The following CBLIF variants were observed in gnomAD, a reference collection of about 807,000 sequenced individuals.
The protein encoded by CBLIF is gastric intrinsic factor (vitamin B synthesis).
In CBLIF, 24 loss-of-function variants were observed where a neutral mutation model predicts 44.9. The ratio of observed to expected loss-of-function variants is 0.53; its 90% CI spans 0.39 to 0.75. The LOEUF is 0.75. Among genes scored for constraint, CBLIF ranks in the 30% least tolerant of loss-of-function variants. The pLI is 0.00. For synonymous variants in CBLIF, 183 were observed against 190.9 expected, an observed-to-expected ratio of 0.96 and a Z score of 0.34; for missense variants, 481 against 513.0, an observed-to-expected ratio of 0.94 and a Z score of 0.60.
At position 59,835,797 on chromosome 11, in the gene CBLIF, G is replaced by T. The variant is rs1276553118; in HGVS notation, c.1073+11C>A. ...CTTGAGAGAATGATGAATGACATTTGTAATACTCACTTGAACATAGGATTT... is the reference window on the plus strand; with the variant it reads ...CTTGAGAGAATGATGAATGACATTTTTAATACTCACTTGAACATAGGATTT... On this transcript the variant is annotated intron_variant, in intron 7 of 8. Coordinates refer to ENST00000257248, the MANE Select transcript of CBLIF (RefSeq NM_005142.3). 3 of 1,585,538 alleles carry T rather than the reference G, an allele frequency of 1.9e-6. No homozygotes were observed. The highest frequency in any genetic ancestry group is 2.6e-6 in the Non-Finnish European group (3 of 1,153,864).
chr11:59,842,621 T>G (rs1220904648), intron 3 of CBLIF, 38 bp from the exon 4 acceptor site: 1 of 1,603,208 alleles, frequency 6.2e-7, no homozygotes, highest in East Asian at 2.2e-5. Flanking sequence ...AGACTCACAG[T>G]CACCACGATG....
rs1866350988 is a variant in CBLIF, at chr11:59,830,122, G to A, written c.1193-577C>T. 2.0e-5 allele frequency among the ~76,000 whole-genome samples: 3 copies of A among 152,094 alleles called. No homozygotes were observed. The South Asian group carries it at 6.2e-4, about 32-fold the overall frequency. On this transcript the variant is annotated intron_variant, in intron 8 of 8. Coordinates refer to ENST00000257248, the MANE Select transcript of CBLIF (RefSeq NM_005142.3). Reference sequence around the variant, plus strand: ...GCAACAGAAAGAATGACAGTTTCAGGCCCAAATATTTTTGTTTCTCAGAGG... The same window carrying A: ...GCAACAGAAAGAATGACAGTTTCAGACCCAAATATTTTTGTTTCTCAGAGG...
intron 7 of CBLIF, among the ~76,000 whole-genome samples, chr11:59,834,401 T>G (rs1361039196): frequency 6.9e-6 from 1 of 145,428 alleles, no homozygotes; most frequent in Non-Finnish European, 1.5e-5. Flanking sequence ...TTTTGTTTTT[T>G]TTTTTTTTGA....
chr11:59,844,635 C>G (rs772179021), intron 1 of CBLIF, among the ~76,000 whole-genome samples: 8 of 152,172 alleles, frequency 5.3e-5, no homozygotes, highest in Non-Finnish European at 1.2e-4. Flanking sequence ...CTCATAGTTT[C>G]TATCACTTTC....
chr11:59,830,427 C>T (rs1005793313), intron 8 of CBLIF, among the ~76,000 whole-genome samples: 7 of 151,560 alleles, frequency 4.6e-5, no homozygotes, highest in Admixed American at 3.3e-4. Flanking sequence ...TTAGTAGAGA[C>T]GGGGTTTCAC....
chr11:59,832,015 C>A (rs1332571395), intron 7 of CBLIF, among the ~76,000 whole-genome samples: 1 of 152,130 alleles, frequency 6.6e-6, no homozygotes, highest in African/African-American at 2.4e-5. Context: ...ACTTTAAATG[C>A]TTCAGATAAA....
chr11:59,835,935 A>G lies in CBLIF; in HGVS notation c.946T>C (p.Tyr316His), dbSNP rs748045284. 1.2e-6 allele frequency: 2 copies of G among 1,614,100 alleles called. No individual in the cohort carries two copies. The highest frequency in any genetic ancestry group is 1.1e-5 in the South Asian group (1 of 91,084). Residue 316 changes from tyrosine (Y) to histidine (H), a missense_variant, in exon 7 of 9, where the codon TAC becomes CAC. Tyr to His is a moderately conservative substitution (Grantham distance 83). Transcript: ENST00000257248. Reference sequence around the variant, plus strand: ...CCCCTCAGCTGGTTATTTATGGTGTATATGACAGTGATGTTAGATGCAGAG... The same window carrying G: ...CCCCTCAGCTGGTTATTTATGGTGTGTATGACAGTGATGTTAGATGCAGAG... ...PTSASNITVI[Y>H]TINNQLRGVE...
chr11:59,835,504 C>T lies in CBLIF; in HGVS notation c.1073+304G>A, dbSNP rs139439049. Among the ~76,000 whole-genome samples, 112 of 152,310 alleles carry T rather than the reference C, an allele frequency of 7.4e-4. 1 individual carries two copies. In the East Asian group the frequency reaches 0.021, roughly 29 times the overall value. On this transcript the variant is annotated intron_variant, in intron 7 of 8. Transcript: ENST00000257248. ...CTTTTTCTGGACTTACCTCTTCCCA[C>T]ATCTTCCTAAATAGTACCTATTCTT...
At position 59,831,519 on chromosome 11, in the gene CBLIF, T is replaced by G. The variant is rs1325208229; in HGVS notation, c.1192+159A>C. On this transcript the variant is annotated intron_variant, in intron 8 of 8. Transcript: ENST00000257248. ...TATATACACAAAATATATGTGTGTA[T>G]ACATATATAAGCAATCACTGTTTAT... 2.0e-5 allele frequency: 10 copies of G among 492,970 alleles called. No individual in the cohort carries two copies. In the East Asian group the frequency reaches 2.4e-4, roughly 12 times the overall value. 30.5% of individuals were successfully genotyped at this position (492,970 alleles called of 1,614,324 possible). A position where few individuals can be genotyped will look rare whatever the true frequency, so the allele number is the denominator to read the frequency against.
At chr11:59,830,927 A>G (rs942044361) in intron 8 of CBLIF, among the ~76,000 whole-genome samples, 1 of 152,190 alleles carries the variant, frequency 6.6e-6, no homozygotes, top group Non-Finnish European at 1.5e-5. Context: ...TGCTAAATAC[A>G]TGATTGATTC....
rs1198918035 is a variant in CBLIF at position 59,845,427 on chromosome 11, C to T, written c.27G>A (p.Leu9=). 8 of 1,612,530 alleles carry T rather than the reference C, an allele frequency of 5.0e-6. No homozygotes were observed. The highest frequency in any genetic ancestry group is 4.5e-5 in the East Asian group (2 of 44,880). ...TCCCAGCTGTAGCCCAGAGAAGGCT[C>T]AGGAGGTAGAGGGCAAACCAGGCCA... is the stretch of plus-strand genomic sequence containing the variant. MAWFALYL[L]SLLWATAGTS... The change falls in exon 1 of 9, where the codon CTG becomes CTA. Residue 9 remains leucine, a synonymous_variant. Coordinates refer to ENST00000257248, the MANE Select transcript of CBLIF (RefSeq NM_005142.3).
chr11:59,843,597 G>A (rs569960352), intron 2 of CBLIF, among the ~76,000 whole-genome samples: 1 of 152,272 alleles, frequency 6.6e-6, no homozygotes, highest in African/African-American at 2.4e-5. Flanking sequence ...CCAGTGACTT[G>A]TCTCAGATCC....
chr11:59,837,891 C>A (rs1866475474), intron 5 of CBLIF, among the ~76,000 whole-genome samples: 1 of 152,102 alleles, frequency 6.6e-6, no homozygotes, highest in African/African-American at 2.4e-5. Flanking sequence ...AGAATCATTC[C>A]CCGACATACA....
Position 59,829,369 on chromosome 11 carries a change from C to A in CBLIF, c.*115G>T. On this transcript the variant is annotated 3_prime_UTR_variant, in exon 9 of 9. Transcript: ENST00000257248. The stretch of plus-strand genomic sequence containing the variant: ...TACATAGTGGTTCTCCATGTTTTTA[C>A]CAGGAATATGGTAGCATCACAGGCA... 2.7e-6 allele frequency: 2 copies of A among 727,316 alleles called. No individual in the cohort carries two copies. The highest frequency in any genetic ancestry group is 1.5e-5 in the South Asian group (1 of 68,590). 45.1% of individuals were successfully genotyped at this position (727,316 alleles called of 1,614,324 possible).
chr11:59,830,233 C>CTTT (rs530371257), intron 8 of CBLIF, among the ~76,000 whole-genome samples: 6 of 123,296 alleles, frequency 4.9e-5, no homozygotes, highest in East Asian at 2.4e-4. Flanking sequence ...CAATTACTTT[C>CTTT]TTTTTTTTTT....
At chr11:59,833,031 A>C (rs961861672) in intron 7 of CBLIF, among the ~76,000 whole-genome samples, 1 of 152,230 alleles carries the variant, frequency 6.6e-6, no homozygotes, top group African/African-American at 2.4e-5. Flanking sequence ...AAAAACCTAC[A>C]AAAGTTATAA....
intron 5 of CBLIF, 29 bp from the exon 6 acceptor site, chr11:59,837,380 A>G: frequency 6.5e-7 from 1 of 1,549,966 alleles, no homozygotes; most frequent in East Asian, 2.2e-5. Flanking sequence ...AGAGAGAGAA[A>G]GAGTAATTAG....
intron 1 of CBLIF, 55 bp downstream of exon 1, chr11:59,845,319 GC>G: frequency 6.2e-7 from 1 of 1,607,012 alleles, no homozygotes. Flanking sequence ...AGAGGTCACA[GC>G]CCCTTCCCCA....
chr11:59,832,142 T>C (rs1225495404), intron 7 of CBLIF, among the ~76,000 whole-genome samples: 1 of 152,206 alleles, frequency 6.6e-6, no homozygotes, highest in Non-Finnish European at 1.5e-5. Context: ...GGCATTTAGG[T>C]TGATTCCATG....
Sources: allele counts gnomAD v4.1 joint callset (sites outside exome capture counted in the v4.1 genomes callset), GRCh38; gene constraint gnomAD v4.1.1; transcripts MANE v1.5; gene names NCBI Gene and HGNC (gene_info 2026-07-23, HGNC 2026-07-21).